Variants in ST8SIA1 observed in about 807,000 individuals in gnomAD.
ST8SIA1 encodes ST8 alpha-N-acetyl-neuraminide alpha-2,8-sialyltransferase 1.
A neutral mutation model predicts 35.9 loss-of-function variants in ST8SIA1; 16 were observed. The observed-to-expected ratio is 0.45, with a 90% confidence interval of 0.30 to 0.68. The LOEUF (loss-of-function observed/expected upper bound fraction) is 0.68. ST8SIA1 is among the 30% of genes least tolerant of loss of function. The pLI is 0.09. For synonymous variants in ST8SIA1, 170 were observed against 169.6 expected, an observed-to-expected ratio of 1.00 and a Z score of -0.02; for missense variants, 383 against 453.6, an observed-to-expected ratio of 0.84 and a Z score of 1.41.
In ST8SIA1 at chr12:22,323,378, G is replaced by C. The variant is rs570240467; in HGVS notation, c.236+10619C>G. Among the ~76,000 whole-genome samples the C allele has an allele frequency of 4.9e-4, 75 of 152,330 alleles. 1 individual carries two copies. The South Asian group carries it at 8.1e-3, about 16-fold the overall frequency. ...TTTCTATGAACAATCAAAGATGCCA[G>C]ATATAAGAATTGGTGTTTACTGATG... On this transcript the variant is annotated intron_variant, in intron 1 of 4. Coordinates refer to ENST00000396037, the MANE Select transcript of ST8SIA1 (RefSeq NM_003034.4).
At chr12:22,223,107 T>C (rs1200596167) in intron 4 of ST8SIA1, among the ~76,000 whole-genome samples, 3 of 152,204 alleles carry the variant, frequency 2.0e-5, no homozygotes, top group Non-Finnish European at 2.9e-5. Context: ...GAAATGAGAA[T>C]TATAAAATTA....
At chr12:22,208,120 A>ACAGT (rs1014757373) in intron 4 of ST8SIA1, among the ~76,000 whole-genome samples, 16 of 146,506 alleles carry the variant, frequency 1.1e-4, no homozygotes, top group Non-Finnish European at 1.9e-4. Context: ...AGCCTGGGTG[A>ACAGT]CAGTGTCTGT....
At position 22,283,653 on chromosome 12, in the gene ST8SIA1, A is replaced by G. The variant is rs574115633; in HGVS notation, c.381+3496T>C. Among the ~76,000 whole-genome samples the G allele has an allele frequency of 7.2e-5, 11 of 152,302 alleles. No homozygotes were observed. In the South Asian group the frequency reaches 1.2e-3, roughly 17 times the overall value. ...TATTCAACAAATATTTCACCAAAAT[A>G]CATTTATAGAGCCCTTTGGAAACAG... On this transcript the variant is annotated intron_variant, in intron 2 of 4. Transcript: ENST00000396037.
chr12:22,202,335 G>A (rs1865057508), intron 4 of ST8SIA1, among the ~76,000 whole-genome samples: 2 of 152,146 alleles, frequency 1.3e-5, no homozygotes, highest in African/African-American at 2.4e-5. Context: ...TGCCTGAAAT[G>A]GAAAACGGTT....
In ST8SIA1 at chr12:22,199,232, T is replaced by G. The variant is rs935222062; in HGVS notation, c.*2320A>C. On this transcript the variant is annotated 3_prime_UTR_variant, in exon 5 of 5. Transcript: ENST00000396037. ...GTGCAGTGGCACCATCTTGGCTCAC[T>G]GCAACCTCCACTTCCTGGGTTTAAG... The G allele has an allele frequency of 6.6e-5, 10 of 150,654 alleles. No homozygotes were observed. Among genetic ancestry groups the G allele is most frequent in the Admixed American group, 3.3e-4 (5 of 15,008 alleles). 9.3% of individuals were successfully genotyped at this position (150,654 alleles called of 1,614,324 possible).
chr12:22,313,120 T>C (rs1342307295), intron 1 of ST8SIA1, among the ~76,000 whole-genome samples: 1 of 152,124 alleles, frequency 6.6e-6, no homozygotes, highest in African/African-American at 2.4e-5. Flanking sequence ...ATATGAGACC[T>C]TGAGTATGTT....
At chr12:22,259,684 T>C (rs1865766353) in intron 2 of ST8SIA1, among the ~76,000 whole-genome samples, 1 of 152,116 alleles carries the variant, frequency 6.6e-6, no homozygotes, top group Non-Finnish European at 1.5e-5. Flanking sequence ...GCCAGGATGG[T>C]CTCGATCTCC....
intron 1 of ST8SIA1, among the ~76,000 whole-genome samples, chr12:22,318,658 T>G (rs1866547972): frequency 6.6e-6 from 1 of 152,232 alleles, no homozygotes; most frequent in South Asian, 2.1e-4. Flanking sequence ...CCTCACTGCT[T>G]TATTTGTACG....
At chr12:22,203,611 A>C (rs1865073752) in intron 4 of ST8SIA1, among the ~76,000 whole-genome samples, 1 of 152,102 alleles carries the variant, frequency 6.6e-6, no homozygotes, top group Non-Finnish European at 1.5e-5. Context: ...TACAGAAGTA[A>C]TAACAGGGTC....
At chr12:22,326,360 T>C (rs528626164) in intron 1 of ST8SIA1, 1 of 153,414 alleles carries the variant, frequency 6.5e-6, no homozygotes, top group South Asian at 2.1e-4. Context: ...AAAGAGCGTG[T>C]GTCACAAGGT....
chr12:22,263,672 C>T (rs1437504324), intron 2 of ST8SIA1, among the ~76,000 whole-genome samples: 3 of 151,958 alleles, frequency 2.0e-5, no homozygotes, highest in African/African-American at 7.3e-5. Flanking sequence ...TTTATTTGCC[C>T]TAGTAATCCC....
intron 4 of ST8SIA1, chr12:22,223,899 T>C (rs1338077477): frequency 1.1e-6 from 1 of 883,518 alleles, no homozygotes; most frequent in African/African-American, 1.8e-5. Flanking sequence ...TCTTTTGCTT[T>C]CTACATCTTT....
At chr12:22,287,039 G>C in intron 2 of ST8SIA1, 110 bp downstream of exon 2, 1 of 1,017,598 alleles carries the variant, frequency 9.8e-7, no homozygotes, top group Non-Finnish European at 1.4e-6. Flanking sequence ...AAAGAGAGAA[G>C]AAAGAAAACA....
In ST8SIA1 at chr12:22,202,179, A is replaced by G. The variant is rs1865055546; in HGVS notation, c.585-141T>C. On this transcript the variant is annotated intron_variant, in intron 4 of 4. Coordinates refer to ENST00000396037, the MANE Select transcript of ST8SIA1 (RefSeq NM_003034.4). ...GAAAAACACTTTATTTGTATTTAAA[A>G]TCCTCCTTGAACTTATCAATTATCT... 2.5e-5 allele frequency: 19 copies of G among 770,356 alleles called. No homozygotes were observed. The South Asian group carries it at 3.8e-4, about 15-fold the overall frequency. The allele number at this position is 770,356 out of a possible 1,614,324, so 47.7% of individuals were successfully genotyped here.
intron 1 of ST8SIA1, among the ~76,000 whole-genome samples, chr12:22,290,873 CAATAA>C (rs1443514004): frequency 6.6e-6 from 1 of 152,040 alleles, no homozygotes. Context: ...TTGTGGCAGA[CAATAA>C]AATAAGAGGA....
At chr12:22,315,769 TAAAA>T (rs34854158) in intron 1 of ST8SIA1, among the ~76,000 whole-genome samples, 7 of 129,110 alleles carry the variant, frequency 5.4e-5, no homozygotes, top group Non-Finnish European at 3.3e-5. Context: ...CCCCTTAATG[TAAAA>T]AAAAAAAAAA....
intron 4 of ST8SIA1, among the ~76,000 whole-genome samples, chr12:22,232,963 C>A (rs908417575): frequency 5.3e-5 from 8 of 151,692 alleles, no homozygotes; most frequent in Non-Finnish European, 8.8e-5. Context: ...CCCGGTGGGT[C>A]AAATAAGAGA....
intron 2 of ST8SIA1, among the ~76,000 whole-genome samples, chr12:22,284,620 AT>A (rs1866074965): frequency 6.6e-6 from 1 of 152,192 alleles, no homozygotes; most frequent in Admixed American, 6.5e-5. Flanking sequence ...ATTAAAAAAA[AT>A]CTACTCATTG....
intron 2 of ST8SIA1, among the ~76,000 whole-genome samples, chr12:22,264,380 G>A (rs1044972570): frequency 6.6e-6 from 1 of 152,110 alleles, no homozygotes; most frequent in East Asian, 1.9e-4. Flanking sequence ...CTTCAGTTAA[G>A]GACTGGCAAA....
Sources: gnomAD v4.1 joint callset for allele counts (sites outside exome capture counted in the v4.1 genomes callset) on GRCh38, gnomAD v4.1.1 for gene constraint, MANE v1.5 for transcripts, NCBI Gene and HGNC (gene_info 2026-07-23, HGNC 2026-07-21) for gene names.